CBFA2T2: variants seen among roughly 807,000 people sequenced by gnomAD.
The protein encoded by CBFA2T2 is protein CBFA2T2.
Under a neutral mutation model 62.2 loss-of-function variants are expected in CBFA2T2, and 11 were observed. The ratio of observed to expected loss-of-function variants is 0.18; its 90% confidence interval spans 0.11 to 0.29. The LOEUF is 0.29. Among genes scored for constraint, CBFA2T2 ranks in the 10% least tolerant of loss-of-function variants. The pLI is 1.00. For missense variants in CBFA2T2, 592 were observed against 774.1 expected (o/e 0.76, Z 2.79); for synonymous variants, 295 against 287.5 (o/e 1.03, Z -0.27).
rs779121346 is a variant in CBFA2T2 at position 33,501,509 on chromosome 20, C to T, written c.34+11208C>T. 1.1e-3 allele frequency among the ~76,000 whole-genome samples: 165 copies of T among 151,940 alleles called. 3 individuals are homozygous for T. The highest frequency in any genetic ancestry group is 3.7e-4 in the Non-Finnish European group (25 of 67,976). ...ATGCAGAATGGTGAGGGAGAAGTGC[C>T]GGGAGAGGTGATGGTTTTAGCTCCT... is the stretch of plus-strand genomic sequence containing the variant. On this transcript the variant is annotated intron_variant, in intron 1 of 10. Transcript: ENST00000342704.
chr20:33,515,820 A>AAT (rs1362939809), intron 1 of CBFA2T2, among the ~76,000 whole-genome samples: 59 of 149,238 alleles, frequency 4.0e-4, no homozygotes, highest in Non-Finnish European at 7.8e-4. Flanking sequence ...AAAAAAAAAA[A>AAT]ACGGGGCGGG....
At chr20:33,516,162 A>G (rs1437385271) in intron 1 of CBFA2T2, among the ~76,000 whole-genome samples, 1 of 151,948 alleles carries the variant, frequency 6.6e-6, no homozygotes, top group Non-Finnish European at 1.5e-5. Flanking sequence ...TCAAAAAATG[A>G]ACAATAATTT....
At chr20:33,542,047 T>A (rs1379972387) in intron 1 of CBFA2T2, among the ~76,000 whole-genome samples, 1 of 152,168 alleles carries the variant, frequency 6.6e-6, no homozygotes, top group East Asian at 1.9e-4. Flanking sequence ...CCTAGCAGTT[T>A]TCTCAAACTT....
At chr20:33,492,586 C>T (rs758307792) in intron 1 of CBFA2T2, among the ~76,000 whole-genome samples, 1 of 152,104 alleles carries the variant, frequency 6.6e-6, no homozygotes, top group South Asian at 2.1e-4. Flanking sequence ...GTCATCATGG[C>T]CCACAGCAGC....
chr20:33,550,297 A>G (rs1195470719), intron 1 of CBFA2T2, among the ~76,000 whole-genome samples: 1 of 152,272 alleles, frequency 6.6e-6, no homozygotes, highest in Admixed American at 6.5e-5. Flanking sequence ...TCCTCCCATT[A>G]AAAAATTCTT....
chr20:33,632,539 G>A (rs1438599601), intron 8 of CBFA2T2, among the ~76,000 whole-genome samples: 3 of 148,098 alleles, frequency 2.0e-5, no homozygotes, highest in East Asian at 4.1e-4. Context: ...CATGATCTCG[G>A]CTCACTGCAA....
At chr20:33,572,872 A>G (rs1028984510) in intron 1 of CBFA2T2, among the ~76,000 whole-genome samples, 8 of 152,362 alleles carry the variant, frequency 5.3e-5, no homozygotes, top group African/African-American at 1.9e-4. Context: ...TGTCATATAG[A>G]GAAAGAATTT....
At position 33,644,743 on chromosome 20, in the gene CBFA2T2, A is replaced by G; in HGVS notation, c.*97A>G. 7.7e-7 allele frequency: 1 copy of G among 1,304,752 alleles called. No individual in the cohort carries two copies. The allele number at this position is 1,304,752 out of a possible 1,614,324, so 80.8% of individuals were successfully genotyped here. ...AACCCGTGCATGTAGCTGCCGGGTC[A>G]TCAGCAAGAAATGAATTGGAGGCAG... On this transcript the variant is annotated 3_prime_UTR_variant, in exon 11 of 11. Transcript: ENST00000342704.
chr20:33,625,878 G>A (rs1364918441), intron 6 of CBFA2T2, among the ~76,000 whole-genome samples: 10 of 152,124 alleles, frequency 6.6e-5, no homozygotes, highest in Admixed American at 6.5e-4. Context: ...TGAGGTGGGT[G>A]GATCATGAGG....
chr20:33,533,928 T>A (rs1172349989), intron 1 of CBFA2T2, among the ~76,000 whole-genome samples: 1 of 151,752 alleles, frequency 6.6e-6, no homozygotes, highest in Non-Finnish European at 1.5e-5. Flanking sequence ...TGAGCCGAGG[T>A]TTCAGTGAGC....
chr20:33,648,430 G>A lies in CBFA2T2; in HGVS notation c.*3784G>A, dbSNP rs1338290251. The A allele has an allele frequency of 7.9e-5, 12 of 152,294 alleles. No individual in the cohort carries two copies. Among genetic ancestry groups the A allele is most frequent in the Admixed American group, 7.9e-4 (12 of 15,276 alleles). 9.4% of individuals were successfully genotyped at this position (152,294 alleles called of 1,614,324 possible). A position where few individuals can be genotyped will look rare whatever the true frequency, so the allele number is the denominator to read the frequency against. ...GAGTTTCTTGAGGGCTGGGTTTCAC[G>A]TCTTTGCTTGTCCTTTTTGTCCCCA... On this transcript the variant is annotated 3_prime_UTR_variant, in exon 11 of 11. Transcript: ENST00000342704.
intron 1 of CBFA2T2, among the ~76,000 whole-genome samples, chr20:33,535,913 C>T (rs978476038): frequency 1.3e-5 from 2 of 152,148 alleles, no homozygotes; most frequent in African/African-American, 4.8e-5. Flanking sequence ...TAACGAAGCA[C>T]ATCTTGCACC....
intron 6 of CBFA2T2, among the ~76,000 whole-genome samples, chr20:33,625,828 C>T (rs1357988484): frequency 2.0e-5 from 3 of 151,746 alleles, no homozygotes; most frequent in East Asian, 3.9e-4. Flanking sequence ...AGGGGCTGGG[C>T]GTGGTGGCTC....
At chr20:33,606,575 G>A (rs1367589638) in intron 1 of CBFA2T2, among the ~76,000 whole-genome samples, 1 of 152,108 alleles carries the variant, frequency 6.6e-6, no homozygotes, top group Non-Finnish European at 1.5e-5. Flanking sequence ...GTGTATAGAT[G>A]TGTCACTCTA....
chr20:33,576,932 C>T (rs2013855788), intron 1 of CBFA2T2, among the ~76,000 whole-genome samples: 1 of 152,192 alleles, frequency 6.6e-6, no homozygotes, highest in Admixed American at 6.5e-5. Context: ...CTACTTTTCT[C>T]TGTTTATTTA....
chr20:33,519,165 A>G (rs1038421755), intron 1 of CBFA2T2, among the ~76,000 whole-genome samples: 1 of 152,114 alleles, frequency 6.6e-6, no homozygotes. Flanking sequence ...GCAACTATTC[A>G]GGAAAAAAAA....
At chr20:33,627,314 G>A (rs913709470) in intron 6 of CBFA2T2, among the ~76,000 whole-genome samples, 8 of 152,012 alleles carry the variant, frequency 5.3e-5, no homozygotes, top group Admixed American at 1.3e-4. Context: ...GGAGTAGGGC[G>A]TGAACCTGGG....
chr20:33,495,963 T>G (rs1347036335), intron 1 of CBFA2T2, among the ~76,000 whole-genome samples: 2 of 152,184 alleles, frequency 1.3e-5, no homozygotes, highest in Non-Finnish European at 2.9e-5. Flanking sequence ...TTCTGGTGGT[T>G]GTTAGTGGCT....
At chr20:33,494,271 ATATTTTTT>A (rs2011175561) in intron 1 of CBFA2T2, among the ~76,000 whole-genome samples, 1 of 21,072 alleles carries the variant, frequency 4.7e-5, no homozygotes, top group African/African-American at 1.5e-4. Flanking sequence ...ATATATATAT[ATATTTTTT>A]TTTTTTTTTT....
Sources: allele counts gnomAD v4.1 joint callset (sites outside exome capture counted in the v4.1 genomes callset), GRCh38; gene constraint gnomAD v4.1.1; transcripts MANE v1.5; gene names NCBI Gene and HGNC (gene_info 2026-07-23, HGNC 2026-07-21).